The following GRK5 variants were observed in gnomAD, a reference collection of about 807,000 sequenced individuals.
GRK5 encodes g protein-coupled receptor kinase GRK5.
GRK5 carries 40 observed loss-of-function variants against 78.4 expected under a neutral mutation model. That is an observed-to-expected ratio of 0.51 (90% CI 0.40 to 0.66). The LOEUF (loss-of-function observed/expected upper bound fraction) is 0.66. Among genes scored for constraint, GRK5 ranks in the 30% least tolerant of loss-of-function variants. The pLI, the probability that GRK5 is intolerant of heterozygous loss-of-function variation, is 0.00. For synonymous variants in GRK5, 289 were observed against 296.8 expected (o/e 0.97, Z 0.27); for missense variants, 598 against 759.9 (o/e 0.79, Z 2.50).
chr10:119,364,685 G>A (rs907443499), intron 2 of GRK5, among the ~76,000 whole-genome samples: 10 of 152,108 alleles, frequency 6.6e-5, no homozygotes, highest in African/African-American at 2.4e-4. Context: ...ATCCTTGAAG[G>A]GCTTTCAAAG....
intron 4 of GRK5, among the ~76,000 whole-genome samples, chr10:119,415,272 A>G (rs929773781): frequency 1.1e-4 from 17 of 152,032 alleles, no homozygotes; most frequent in Admixed American, 3.3e-4. Flanking sequence ...TGGACATGCC[A>G]TGAAGGGGTG....
At chr10:119,428,541 C>T (rs1451835983) in intron 6 of GRK5, among the ~76,000 whole-genome samples, 1 of 152,182 alleles carries the variant, frequency 6.6e-6, no homozygotes, top group Non-Finnish European at 1.5e-5. Context: ...AGCCTTGGGC[C>T]ACTCAGCAAG....
At chr10:119,365,864 C>G (rs894741534) in intron 2 of GRK5, among the ~76,000 whole-genome samples, 1 of 152,222 alleles carries the variant, frequency 6.6e-6, no homozygotes, top group South Asian at 2.1e-4. Flanking sequence ...CAGCCTGGGC[C>G]AGCACAGGGA....
rs1159796866 is a variant in GRK5 at position 119,445,572 on chromosome 10, G to C, written c.1266+1820G>C. Among the ~76,000 whole-genome samples the C allele has an allele frequency of 2.0e-5, 3 of 152,188 alleles. No individual in the cohort carries two copies. The highest frequency in any genetic ancestry group is 4.8e-5 in the African/African-American group (2 of 41,444). On this transcript the variant is annotated intron_variant, in intron 12 of 15. Coordinates refer to ENST00000392870, the MANE Select transcript of GRK5 (RefSeq NM_005308.3). This position sits in a 1 kb window ranked among gnomAD's most constrained non-coding sequence, Gnocchi z 4.1. ...CTGCTGCTCCCGGAGGACCTGTCCC[G>C]TGGGTACAAAACCACTGTCCTCTGG...
At chr10:119,382,646 A>G (rs1851731701) in intron 3 of GRK5, among the ~76,000 whole-genome samples, 1 of 152,238 alleles carries the variant, frequency 6.6e-6, no homozygotes, top group Non-Finnish European at 1.5e-5. Flanking sequence ...GCTCTTTAAA[A>G]AATAGTACTA....
At chr10:119,416,370 G>A (rs962098836) in intron 4 of GRK5, among the ~76,000 whole-genome samples, 4 of 152,210 alleles carry the variant, frequency 2.6e-5, no homozygotes, top group Non-Finnish European at 5.9e-5. Context: ...CCCAGGAGGG[G>A]GTCAGCCTCA....
At chr10:119,208,240 C>G (rs1175447547) in intron 1 of GRK5, among the ~76,000 whole-genome samples, 1 of 152,238 alleles carries the variant, frequency 6.6e-6, no homozygotes, top group African/African-American at 2.4e-5. Flanking sequence ...AGCGTGCCAT[C>G]TCGGCAGCTG....
At chr10:119,342,598 C>T (rs997438299) in intron 2 of GRK5, among the ~76,000 whole-genome samples, 2 of 152,162 alleles carry the variant, frequency 1.3e-5, no homozygotes, top group East Asian at 1.9e-4. Flanking sequence ...TCAACCGTCC[C>T]GTGCGGTGCA....
intron 3 of GRK5, 32 bp downstream of exon 3, chr10:119,380,959 G>T: frequency 7.6e-7 from 1 of 1,307,474 alleles, no homozygotes; most frequent in Non-Finnish European, 1.1e-6. Context: ...ATGGTCCTGT[G>T]GTCCTCTGTG....
chr10:119,357,894 A>G (rs1415969899), intron 2 of GRK5, among the ~76,000 whole-genome samples: 1 of 152,034 alleles, frequency 6.6e-6, no homozygotes, highest in African/African-American at 2.4e-5. Context: ...TTGACCCCAC[A>G]GGGACTGAGT....
At chr10:119,235,944 A>G (rs961148572) in intron 1 of GRK5, among the ~76,000 whole-genome samples, 4 of 152,176 alleles carry the variant, frequency 2.6e-5, no homozygotes, top group African/African-American at 4.8e-5. Flanking sequence ...CAGATGGTTC[A>G]GGGGCCCGAA....
chr10:119,439,514 T>C (rs575711411), intron 9 of GRK5, among the ~76,000 whole-genome samples: 7 of 152,262 alleles, frequency 4.6e-5, no homozygotes, highest in Non-Finnish European at 1.0e-4. Context: ...GATTGGGAAA[T>C]GCCTGTGGCA....
At position 119,443,962 on chromosome 10, in the gene GRK5, G is replaced by A. The variant is rs183195714; in HGVS notation, c.1266+210G>A. ...AGACTTCCAGGAGAAAGCCTGGGTG[G>A]GGCAGGGACACCCAGGAACCAAGGG... On this transcript the variant is annotated intron_variant, in intron 12 of 15. Coordinates refer to ENST00000392870, the MANE Select transcript of GRK5 (RefSeq NM_005308.3). 2.6e-3 allele frequency among the ~76,000 whole-genome samples: 401 copies of A among 152,252 alleles called. 1 individual carries two copies. The highest frequency in any genetic ancestry group is 9.1e-3 in the African/African-American group (379 of 41,548).
At chr10:119,319,623 G>A (rs1217724366) in intron 1 of GRK5, among the ~76,000 whole-genome samples, 2 of 152,244 alleles carry the variant, frequency 1.3e-5, no homozygotes, top group Non-Finnish European at 2.9e-5. Flanking sequence ...ACGGGTACCT[G>A]GAAGGTAAAC....
intron 4 of GRK5, among the ~76,000 whole-genome samples, chr10:119,411,800 C>G (rs1204275509): frequency 6.6e-6 from 1 of 150,736 alleles, no homozygotes; most frequent in African/African-American, 2.4e-5. Flanking sequence ...ACAAACAAAA[C>G]CCTAAAGCTT....
intron 1 of GRK5, among the ~76,000 whole-genome samples, chr10:119,274,426 T>C (rs1849634778): frequency 6.6e-6 from 1 of 152,230 alleles, no homozygotes; most frequent in Admixed American, 6.5e-5. Flanking sequence ...AGGCGTTAGC[T>C]TCCATTCCCA....
chr10:119,439,868 C>T (rs1026499108), intron 10 of GRK5, 100 bp downstream of exon 10: 109 of 1,110,634 alleles, frequency 9.8e-5, no homozygotes, highest in Admixed American at 4.8e-4. Context: ...AAGCTGACCA[C>T]GGGCCCCACT....
chr10:119,314,149 G>A (rs10787953), intron 1 of GRK5, among the ~76,000 whole-genome samples: 4 of 152,100 alleles, frequency 2.6e-5, no homozygotes, highest in African/African-American at 7.3e-5. Context: ...GCCCCGGTTC[G>A]CATCTACCCC....
chr10:119,411,033 G>A (rs888427436), intron 4 of GRK5, among the ~76,000 whole-genome samples: 3 of 151,668 alleles, frequency 2.0e-5, no homozygotes, highest in South Asian at 2.1e-4. Context: ...CACAGAATGG[G>A]CACTCAGGGA....
Sources: allele counts gnomAD v4.1 joint callset (sites outside exome capture counted in the v4.1 genomes callset), GRCh38; gene constraint gnomAD v4.1.1; non-coding constraint Gnocchi (gnomAD v3.1); transcripts MANE v1.5; gene names NCBI Gene and HGNC (gene_info 2026-07-23, HGNC 2026-07-21).